ALG11: variants seen among roughly 807,000 people sequenced by gnomAD.
ALG11 encodes the protein ALG11 alpha-1,2-mannosyltransferase.
In ALG11, 26 loss-of-function variants were observed where a neutral mutation model predicts 38.8. The ratio of observed to expected loss-of-function variants is 0.67; its 90% confidence interval spans 0.49 to 0.93. ALG11 has a LOEUF of 0.93. ALG11 is among the 40% of genes least tolerant of loss of function. The pLI is 0.00. For missense variants in ALG11, 535 were observed against 578.8 expected (o/e 0.92, Z 0.78); for synonymous variants, 199 against 211.6 (o/e 0.94, Z 0.52).
intron 1 of ALG11, among the ~76,000 whole-genome samples, chr13:52,014,827 G>A (rs1157918452): frequency 6.6e-6 from 1 of 152,170 alleles, no homozygotes; most frequent in Non-Finnish European, 1.5e-5. Context: ...GTAGTGTCAA[G>A]GATGAGAAAC....
At chr13:52,026,985 A>G (rs1954247322) in intron 3 of ALG11, among the ~76,000 whole-genome samples, 1 of 152,104 alleles carries the variant, frequency 6.6e-6, no homozygotes. Context: ...AGAAATGGAG[A>G]GGCGGGGAAA....
chr13:52,029,699 CA>C lies in ALG11; in HGVS notation c.*1113del. ...GATGGAAAGAATGAGCCTTAAGCAC[CA>C]AAACAGTGGGAAATGGGCCAAGTCA... On this transcript the variant is annotated 3_prime_UTR_variant, in exon 4 of 4. Transcript: ENST00000521508. 2.5e-6 allele frequency: 4 copies of C among 1,614,036 alleles called. No individual in the cohort carries two copies. Among genetic ancestry groups the C allele is most frequent in the Non-Finnish European group, 3.4e-6 (4 of 1,180,026 alleles).
In ALG11 at chr13:52,031,846, T is replaced by C. The variant is rs1954309328; in HGVS notation, c.*3256T>C. On this transcript the variant is annotated 3_prime_UTR_variant, in exon 4 of 4. Transcript: ENST00000521508. ...TTCTGAGTCTCAGATTCTTCATCTG[T>C]AATCTGGAGTTGTTAATTCCAGTCC... 1 of 167,096 alleles carries C rather than the reference T, an allele frequency of 6.0e-6. No homozygotes were observed. Among genetic ancestry groups the C allele is most frequent in the Admixed American group, 6.5e-5 (1 of 15,272 alleles). The allele number at this position is 167,096 out of a possible 1,614,324, so 10.4% of individuals were successfully genotyped here.
intron 1 of ALG11, 131 bp downstream of exon 1, chr13:52,012,593 G>GAGC: frequency 3.2e-6 from 4 of 1,264,878 alleles, no homozygotes; most frequent in Non-Finnish European, 4.5e-6. Context: ...TCAGGCCAAT[G>GAGC]AGCAGTCTTT....
At chr13:52,022,698 GTTT>G (rs36065613) in intron 2 of ALG11, 7 of 128,326 alleles carry the variant, frequency 5.5e-5, no homozygotes, top group African/African-American at 5.9e-5. Context: ...TAATAAATTT[GTTT>G]TTTTTTTTTT....
rs1172855030 is a variant in ALG11 at position 52,028,433 on chromosome 13, G to A, written c.1322G>A (p.Ser441Asn). ...EGDITGFLAESEEDYAETIAH... is the reference protein window; with the variant it reads ...EGDITGFLAENEEDYAETIAH... ...GATATAACTGGCTTTCTGGCTGAGA[G>A]TGAAGAAGACTATGCTGAAACTATC... The change falls in exon 4 of 4, where the codon AGT becomes AAT. Residue 441 changes from serine (S) to asparagine (N), a missense_variant. Physicochemically the swap from Ser to Asn is conservative, Grantham distance 46. Transcript: ENST00000521508. 3 of 1,614,078 alleles carry A rather than the reference G, an allele frequency of 1.9e-6. No individual in the cohort carries two copies. The highest frequency in any genetic ancestry group is 2.5e-6 in the Non-Finnish European group (3 of 1,180,052).
rs1319883651 is a variant in ALG11 at position 52,031,897 on chromosome 13, G to C, written c.*3307G>C. ...TTACTACCTTTTAGAGTTGGAATGA[G>C]ATGGAAAGTAGATGAAACTACTTTG... On this transcript the variant is annotated 3_prime_UTR_variant, in exon 4 of 4. Coordinates refer to ENST00000521508, the MANE Select transcript of ALG11 (RefSeq NM_001004127.3). 3 of 167,088 alleles carry C rather than the reference G, an allele frequency of 1.8e-5. No homozygotes were observed. Among genetic ancestry groups the C allele is most frequent in the African/African-American group, 7.2e-5 (3 of 41,448 alleles). The allele number at this position is 167,088 out of a possible 1,614,324, so 10.4% of individuals were successfully genotyped here.
In ALG11 at chr13:52,018,982, C is replaced by T. The variant is rs1247108228; in HGVS notation, c.114C>T (p.Val38=). Residue 38 remains valine, a synonymous_variant, in exon 2 of 4, where the codon GTC becomes GTT. Transcript: ENST00000521508. ...CTTTATGTGTGTGTTTGGTCATTGT[C>T]CTTTGGGGAATCAGACTGCTGCTAC... ...CGTLCVCLVI[V]LWGIRLLLQR... 1 of 1,613,536 alleles carries T rather than the reference C, an allele frequency of 6.2e-7. No homozygotes were observed. The highest frequency in any genetic ancestry group is 2.2e-5 in the East Asian group (1 of 44,838).
intron 1 of ALG11, among the ~76,000 whole-genome samples, chr13:52,014,747 C>G (rs1227912030): frequency 6.6e-6 from 1 of 151,988 alleles, no homozygotes; most frequent in African/African-American, 2.4e-5. Flanking sequence ...TGGGTCAAGA[C>G]CAAAGATGCT....
Position 52,024,659 on chromosome 13 carries a change from G to A in ALG11, c.929G>A (p.Arg310Lys). 2.5e-6 allele frequency: 4 copies of A among 1,614,092 alleles called. No homozygotes were observed. Among genetic ancestry groups the A allele is most frequent in the Non-Finnish European group, 3.4e-6 (4 of 1,179,972 alleles). The stretch of plus-strand genomic sequence containing the variant: ...TTGCTGGTTTCTGTTGGCCAGTTTA[G>A]GCCGGAAAAGAATCATCCATTGCAG... ...GHLLVSVGQF[R>K]PEKNHPLQIR... is the part of the protein sequence containing the mutation. Residue 310 changes from arginine (R) to lysine (K), a missense_variant, in exon 3 of 4, where the codon AGG becomes AAG. Coordinates refer to ENST00000521508, the MANE Select transcript of ALG11 (RefSeq NM_001004127.3).
chr13:52,029,698 C>T lies in ALG11; in HGVS notation c.*1108C>T, dbSNP rs770885848. The T allele has an allele frequency of 3.1e-6, 5 of 1,614,004 alleles. No homozygotes were observed. The South Asian group carries it at 3.3e-5, about 11-fold the overall frequency. Reference sequence around the variant, plus strand: ...TGATGGAAAGAATGAGCCTTAAGCACCAAAACAGTGGGAAATGGGCCAAGT... The same window carrying T: ...TGATGGAAAGAATGAGCCTTAAGCATCAAAACAGTGGGAAATGGGCCAAGT... On this transcript the variant is annotated 3_prime_UTR_variant, in exon 4 of 4. Transcript: ENST00000521508.
In ALG11 at chr13:52,013,390, C is replaced by G. The variant is rs1233644811; in HGVS notation, c.44+928C>G. Among the ~76,000 whole-genome samples the G allele has an allele frequency of 2.0e-5, 3 of 152,238 alleles. No homozygotes were observed. The East Asian group carries it at 5.8e-4, about 29-fold the overall frequency. On this transcript the variant is annotated intron_variant, in intron 1 of 3. Transcript: ENST00000521508. Reference sequence around the variant, plus strand: ...CAAATTCTGTAATCATTACTTTAAACATTTTGAATGAGAAAGTCTGTTATC... The same window carrying G: ...CAAATTCTGTAATCATTACTTTAAAGATTTTGAATGAGAAAGTCTGTTATC...
At chr13:52,023,932 T>C (rs1384090189) in intron 2 of ALG11, 74 bp from the exon 3 acceptor site, 5 of 1,380,626 alleles carry the variant, frequency 3.6e-6, no homozygotes, top group Admixed American at 1.7e-5. Context: ...GTAGCTGGGA[T>C]TACAGGTGCG....
Position 52,030,770 on chromosome 13 carries a change from C to T in ALG11, c.*2180C>T, listed in dbSNP as rs756169270. The stretch of plus-strand genomic sequence containing the variant: ...GTTTCTCATTAAAGCCCCTGAGGGT[C>T]CTCCAAGAAAAGATAAGAATTTGCC... On this transcript the variant is annotated 3_prime_UTR_variant, in exon 4 of 4. Transcript: ENST00000521508. 2 of 1,614,156 alleles carry T rather than the reference C, an allele frequency of 1.2e-6. No homozygotes were observed. The highest frequency in any genetic ancestry group is 1.1e-5 in the South Asian group (1 of 91,084).
In ALG11 at chr13:52,029,959, T is replaced by G. The variant is rs143207803; in HGVS notation, c.*1369T>G. Reference sequence around the variant, plus strand: ...GCTGCACCAGTGACACCAAAGAGGCTGCAACACAGGAGGACCCTGAGCAAG... The same window carrying G: ...GCTGCACCAGTGACACCAAAGAGGCGGCAACACAGGAGGACCCTGAGCAAG... On this transcript the variant is annotated 3_prime_UTR_variant, in exon 4 of 4. Coordinates refer to ENST00000521508, the MANE Select transcript of ALG11 (RefSeq NM_001004127.3). 8.0e-4 allele frequency: 1,286 copies of G among 1,614,224 alleles called. 4 individuals are homozygous for G. The highest frequency in any genetic ancestry group is 1.1e-3 in the South Asian group (104 of 91,088).
At chr13:52,018,794 T>G in intron 1 of ALG11, 119 bp from the exon 2 acceptor site, 1 of 855,252 alleles carries the variant, frequency 1.2e-6, no homozygotes, top group Non-Finnish European at 1.9e-6. Context: ...GCAGACTCGT[T>G]AAAGACAATT....
At chr13:52,026,412 T>A (rs999669711) in intron 3 of ALG11, among the ~76,000 whole-genome samples, 3 of 152,192 alleles carry the variant, frequency 2.0e-5, no homozygotes, top group Non-Finnish European at 4.4e-5. Context: ...GCTTTCTGAT[T>A]TCTCCAGTCC....
chr13:52,026,445 A>T (rs1954241394), intron 3 of ALG11, among the ~76,000 whole-genome samples: 1 of 152,200 alleles, frequency 6.6e-6, no homozygotes. Context: ...TGGGGAGTGG[A>T]TCAGTGAAGA....
intron 2 of ALG11, chr13:52,021,582 G>C (rs185390439): frequency 6.6e-6 from 1 of 152,424 alleles, no homozygotes; most frequent in Non-Finnish European, 1.5e-5. Context: ...ACTTGAGTGA[G>C]CAGGGAAATT....
Sources: allele counts gnomAD v4.1 joint callset (sites outside exome capture counted in the v4.1 genomes callset), GRCh38; gene constraint gnomAD v4.1.1; transcripts MANE v1.5; gene names NCBI Gene and HGNC (gene_info 2026-07-23, HGNC 2026-07-21).